ZFHX3: variants seen among roughly 807,000 people sequenced by gnomAD.
The protein encoded by ZFHX3 is zinc finger homeobox 3.
Under a neutral mutation model 279.1 loss-of-function variants are expected in ZFHX3, and 42 were observed. The ratio of observed to expected loss-of-function variants is 0.15; its 90% confidence interval spans 0.12 to 0.19. The LOEUF is 0.19. ZFHX3 is among the 10% of genes least tolerant of loss of function. ZFHX3 has a pLI of 1.00. For missense variants in ZFHX3, 4,981 were observed against 4,754.0 expected, an observed-to-expected ratio of 1.05 and a Z score of -1.40; for synonymous variants, 2,293 against 1,957.8, an observed-to-expected ratio of 1.17 and a Z score of -4.52.
At chr16:72,996,307 T>C (rs1963289301) in intron 1 of ZFHX3, among the ~76,000 whole-genome samples, 1 of 152,162 alleles carries the variant, frequency 6.6e-6, no homozygotes, top group Non-Finnish European at 1.5e-5. Flanking sequence ...AATTAATTAA[T>C]TCGTTCTTTT....
At chr16:72,801,756 G>C (rs1403400917) in intron 7 of ZFHX3, among the ~76,000 whole-genome samples, 3 of 152,192 alleles carry the variant, frequency 2.0e-5, no homozygotes, top group African/African-American at 7.2e-5. Flanking sequence ...ATGGAGTGGA[G>C]ATTGCCAAAC....
At chr16:73,049,875 C>G (rs925128785), upstream of ZFHX3, among the ~76,000 whole-genome samples, 13 of 152,250 alleles carry the variant, frequency 8.5e-5, no homozygotes, top group Admixed American at 2.6e-4. Flanking sequence ...AAGTTGAGAA[C>G]ACCTTAAAGA....
At chr16:73,471,003 T>C (rs1218784508) in intron 2 of ZFHX3, among the ~76,000 whole-genome samples, 3 of 152,234 alleles carry the variant, frequency 2.0e-5, no homozygotes, top group Non-Finnish European at 4.4e-5. Flanking sequence ...TGGTTTGAGA[T>C]TGCTAAGGAT....
intron 1 of ZFHX3, among the ~76,000 whole-genome samples, chr16:73,782,758 G>A (rs1011848101): frequency 1.3e-5 from 2 of 152,206 alleles, no homozygotes; most frequent in African/African-American, 4.8e-5. Flanking sequence ...TGGGTTCCAG[G>A]TTGTATGCTG....
chr16:72,927,410 C>A (rs1959514475), intron 3 of ZFHX3, among the ~76,000 whole-genome samples: 1 of 152,216 alleles, frequency 6.6e-6, no homozygotes, highest in Admixed American at 6.5e-5. Context: ...GCAACACCTG[C>A]TCCAGGCCGT....
At chr16:73,798,845 T>A (rs1408500940) in intron 1 of ZFHX3, among the ~76,000 whole-genome samples, 2 of 152,182 alleles carry the variant, frequency 1.3e-5, no homozygotes, top group Admixed American at 6.5e-5. Context: ...GGGGATGAGC[T>A]TGTCCGTCCC....
chr16:73,868,576 C>T (rs1962088692), intron 1 of ZFHX3, among the ~76,000 whole-genome samples: 1 of 152,190 alleles, frequency 6.6e-6, no homozygotes, highest in African/African-American at 2.4e-5. Context: ...GGCATTCCCA[C>T]AGCTTCCCTC....
At chr16:72,960,241 G>C in intron 1 of ZFHX3, 47 bp from the exon 2 acceptor site, 1 of 1,441,980 alleles carries the variant, frequency 6.9e-7, no homozygotes, top group Middle Eastern at 2.1e-4. Context: ...GGGAAAGAGA[G>C]AGAGAAAGGA....
chr16:73,009,297 T>C (rs768458306), intron 1 of ZFHX3, among the ~76,000 whole-genome samples: 1 of 152,186 alleles, frequency 6.6e-6, no homozygotes, highest in African/African-American at 2.4e-5. Context: ...CTTTCTAATT[T>C]CTGCAACTGG....
At chr16:73,241,722 G>A (rs1014415695) in intron 5 of ZFHX3, among the ~76,000 whole-genome samples, 3 of 149,614 alleles carry the variant, frequency 2.0e-5, no homozygotes, top group East Asian at 2.0e-4. Context: ...CCCAGGAGGC[G>A]GAGGTTGCGG....
intron 1 of ZFHX3, among the ~76,000 whole-genome samples, chr16:73,789,977 C>T (rs1959773353): frequency 6.6e-6 from 1 of 152,138 alleles, no homozygotes; most frequent in Non-Finnish European, 1.5e-5. Flanking sequence ...TGCACTCTCG[C>T]CGCTGGAGTT....
chr16:73,097,257 C>T (rs1452005951), intron 7 of ZFHX3, among the ~76,000 whole-genome samples: 2 of 119,162 alleles, frequency 1.7e-5, no homozygotes, highest in Non-Finnish European at 3.2e-5. Flanking sequence ...TTTGTAGAGA[C>T]AGGACTTGCT....
At chr16:73,260,512 T>A (rs532227403) in intron 4 of ZFHX3, among the ~76,000 whole-genome samples, 1 of 152,210 alleles carries the variant, frequency 6.6e-6, no homozygotes, top group Admixed American at 6.5e-5. Flanking sequence ...TCCCCATTTT[T>A]CCGTGAGCAT....
intron 1 of ZFHX3, among the ~76,000 whole-genome samples, chr16:73,003,972 A>G (rs1218618746): frequency 6.6e-6 from 1 of 151,720 alleles, no homozygotes; most frequent in Non-Finnish European, 1.5e-5. Flanking sequence ...CTTAGTTCAA[A>G]AAAACAAAAC....
intron 2 of ZFHX3, among the ~76,000 whole-genome samples, chr16:73,676,595 T>C (rs2052956772): frequency 6.6e-6 from 1 of 151,566 alleles, no homozygotes; most frequent in East Asian, 1.9e-4. Flanking sequence ...AAAGAAAATA[T>C]AAAGAAAGCA....
chr16:73,460,211 T>C (rs1170709657), intron 2 of ZFHX3, among the ~76,000 whole-genome samples: 4 of 138,826 alleles, frequency 2.9e-5, no homozygotes, highest in Admixed American at 7.4e-5. Context: ...AAATGGAATA[T>C]TACAGTCTGT....
In ZFHX3 at chr16:72,972,473, G is replaced by A. The variant is rs1962148624; in HGVS notation, c.-49-12279C>T. Among the ~76,000 whole-genome samples the A allele has an allele frequency of 2.0e-5, 3 of 152,242 alleles. No homozygotes were observed. The South Asian group carries it at 6.2e-4, about 32-fold the overall frequency. ...TTCAAGTGAAGTCCCCCTCCTTTATGTGATTATAAAGGGCCAAACTGCATC... is the reference window on the plus strand; with the variant it reads ...TTCAAGTGAAGTCCCCCTCCTTTATATGATTATAAAGGGCCAAACTGCATC... On this transcript the variant is annotated intron_variant, in intron 1 of 9. Coordinates refer to ENST00000268489, the MANE Select transcript of ZFHX3 (RefSeq NM_006885.4).
rs987533512 is a variant in ZFHX3, at chr16:73,047,819, C to T, written c.-117G>A. 3 of 152,496 alleles carry T rather than the reference C, an allele frequency of 2.0e-5. No individual in the cohort carries two copies. The highest frequency in any genetic ancestry group is 7.2e-5 in the African/African-American group (3 of 41,456). The allele number at this position is 152,496 out of a possible 1,614,324, so 9.4% of individuals were successfully genotyped here. A position where few individuals can be genotyped will look rare whatever the true frequency, so the allele number is the denominator to read the frequency against. On this transcript the variant is annotated 5_prime_UTR_variant, in exon 1 of 10. The change abolishes an upstream ATG in the 5' untranslated region. Coordinates refer to ENST00000268489, the MANE Select transcript of ZFHX3 (RefSeq NM_006885.4). Reference sequence around the variant, plus strand: ...CTTGCAGGTCCGGGGGCCGCGCCGCCATGCGCAACAACGGGAAATTCCAGT... The same window carrying T: ...CTTGCAGGTCCGGGGGCCGCGCCGCTATGCGCAACAACGGGAAATTCCAGT...
chr16:72,916,264 A>G (rs1452661604), intron 3 of ZFHX3, among the ~76,000 whole-genome samples: 2 of 152,204 alleles, frequency 1.3e-5, no homozygotes, highest in Non-Finnish European at 2.9e-5. Context: ...ACTATTAAAG[A>G]TTAATGACAT....
Sources: gnomAD v4.1 joint callset for allele counts (sites outside exome capture counted in the v4.1 genomes callset) on GRCh38, gnomAD v4.1.1 for gene constraint, MANE v1.5 for transcripts, NCBI Gene and HGNC (gene_info 2026-07-23, HGNC 2026-07-21) for gene names.